KIAA1328: variants seen among roughly 807,000 people sequenced by gnomAD.
KIAA1328 encodes the protein KIAA1328.
A neutral mutation model predicts 68.1 loss-of-function variants in KIAA1328; 52 were observed. That is an observed-to-expected ratio of 0.76 (90% CI 0.61 to 0.96). KIAA1328 has a LOEUF of 0.96. Among genes scored for constraint, KIAA1328 ranks in the 40% least tolerant of loss-of-function variants. KIAA1328 has a pLI of 0.00. For synonymous variants in KIAA1328, 232 were observed against 239.4 expected (o/e 0.97, Z 0.28); for missense variants, 641 against 677.6 (o/e 0.95, Z 0.60).
chr18:36,943,096 T>C (rs1764810449), intron 5 of KIAA1328, among the ~76,000 whole-genome samples: 1 of 152,192 alleles, frequency 6.6e-6, no homozygotes, highest in South Asian at 2.1e-4. Context: ...GAGCTAACAA[T>C]GTACCTGGGC....
At chr18:37,218,938 T>A (rs2060501305) in intron 9 of KIAA1328, among the ~76,000 whole-genome samples, 1 of 152,254 alleles carries the variant, frequency 6.6e-6, no homozygotes, top group African/African-American at 2.4e-5. Flanking sequence ...TTTCTCCCCA[T>A]CTTTGTGGTT....
intron 6 of KIAA1328, among the ~76,000 whole-genome samples, chr18:36,975,275 C>T (rs1261777287): frequency 5.3e-5 from 8 of 150,702 alleles, no homozygotes; most frequent in East Asian, 3.9e-4. Context: ...CTCTGCCTCC[C>T]GGGTTCACGC....
intron 7 of KIAA1328, among the ~76,000 whole-genome samples, chr18:37,096,206 T>A (rs1018067512): frequency 2.0e-5 from 3 of 152,158 alleles, no homozygotes; most frequent in Non-Finnish European, 1.5e-5. Flanking sequence ...TAGGTATATC[T>A]CCTAATGCTA....
At chr18:36,953,659 T>C (rs920227068) in intron 5 of KIAA1328, among the ~76,000 whole-genome samples, 1 of 152,142 alleles carries the variant, frequency 6.6e-6, no homozygotes, top group Non-Finnish European at 1.5e-5. Flanking sequence ...CAAGTGTCAC[T>C]CCTAGCTACC....
Position 37,166,201 on chromosome 18 carries a change from G to A in KIAA1328, c.1414+5820G>A, listed in dbSNP as rs547228195. Among the ~76,000 whole-genome samples the A allele has an allele frequency of 2.0e-5, 3 of 152,188 alleles. No individual in the cohort carries two copies. The South Asian group carries it at 6.2e-4, about 32-fold the overall frequency. On this transcript the variant is annotated intron_variant, in intron 8 of 9. Coordinates refer to ENST00000280020, the MANE Select transcript of KIAA1328 (RefSeq NM_020776.3). Reference sequence around the variant, plus strand: ...AAAAATCTTGCAAAAACTGTCAGAAGCTACCTTATCAGAACTCTGGAGGAT... The same window carrying A: ...AAAAATCTTGCAAAAACTGTCAGAAACTACCTTATCAGAACTCTGGAGGAT...
At chr18:36,994,789 T>G (rs1236985387) in intron 6 of KIAA1328, among the ~76,000 whole-genome samples, 1 of 152,164 alleles carries the variant, frequency 6.6e-6, no homozygotes, top group African/African-American at 2.4e-5. Context: ...TAAATAGACT[T>G]CTAATCATCT....
intron 6 of KIAA1328, among the ~76,000 whole-genome samples, chr18:37,006,379 G>A (rs2053783445): frequency 6.6e-6 from 1 of 151,894 alleles, no homozygotes; most frequent in South Asian, 2.1e-4. Flanking sequence ...ATAAAACATA[G>A]CTAAGTAGTA....
At chr18:36,922,208 G>A (rs75313810) in intron 5 of KIAA1328, among the ~76,000 whole-genome samples, 29,330 of 152,058 alleles carry the variant, frequency 0.19, 3,588 homozygotes, top group Non-Finnish European at 0.28. Context: ...TATTAATGCC[G>A]TTGTCTTTGT....
At chr18:36,931,922 A>G (rs182837199) in intron 5 of KIAA1328, among the ~76,000 whole-genome samples, 218 of 152,204 alleles carry the variant, frequency 1.4e-3, no homozygotes, top group Non-Finnish European at 2.5e-3. Context: ...TGCGCATAGA[A>G]TTCTACCTTG....
chr18:37,213,136 A>T (rs1201078771), intron 9 of KIAA1328, among the ~76,000 whole-genome samples: 1 of 152,202 alleles, frequency 6.6e-6, no homozygotes, highest in African/African-American at 2.4e-5. Flanking sequence ...ATGAGATTAC[A>T]AAAATTTTTT....
intron 7 of KIAA1328, among the ~76,000 whole-genome samples, chr18:37,144,467 A>G (rs2058849099): frequency 6.6e-6 from 1 of 152,000 alleles, no homozygotes; most frequent in Non-Finnish European, 1.5e-5. Context: ...TTCATAAGAT[A>G]GAATATTACA....
chr18:37,001,737 C>T (rs2053592290), intron 6 of KIAA1328, among the ~76,000 whole-genome samples: 1 of 151,974 alleles, frequency 6.6e-6, no homozygotes, highest in Non-Finnish European at 1.5e-5. Context: ...CACATCAGTA[C>T]AATGAAGGAC....
chr18:37,023,730 G>GT (rs1253919402), intron 6 of KIAA1328, among the ~76,000 whole-genome samples: 1 of 152,174 alleles, frequency 6.6e-6, no homozygotes, highest in Admixed American at 6.5e-5. Context: ...AGAAGCAACT[G>GT]ATTACTTCAT....
intron 6 of KIAA1328, among the ~76,000 whole-genome samples, chr18:36,985,587 C>T (rs2052885666): frequency 6.6e-6 from 1 of 152,092 alleles, no homozygotes; most frequent in Admixed American, 6.6e-5. Context: ...ATGCAAATGA[C>T]ATTCAACGGA....
intron 7 of KIAA1328, among the ~76,000 whole-genome samples, chr18:37,106,780 T>G (rs965113277): frequency 1.3e-5 from 2 of 152,202 alleles, no homozygotes; most frequent in African/African-American, 4.8e-5. Context: ...TTTTAAAAAT[T>G]GTTCCCTGTG....
chr18:37,184,502 T>C (rs1409303221), intron 9 of KIAA1328, among the ~76,000 whole-genome samples: 1 of 152,240 alleles, frequency 6.6e-6, no homozygotes, highest in Non-Finnish European at 1.5e-5. Context: ...TGCTTTGGTC[T>C]GCAGCTAGTT....
intron 7 of KIAA1328, among the ~76,000 whole-genome samples, chr18:37,096,657 C>A (rs575258827): frequency 1.2e-3 from 187 of 152,216 alleles, no homozygotes; most frequent in Non-Finnish European, 1.8e-3. Context: ...TGCCTGACTT[C>A]CACAATGGCT....
intron 6 of KIAA1328, among the ~76,000 whole-genome samples, chr18:36,993,983 A>G (rs967365513): frequency 1.3e-5 from 2 of 150,914 alleles, no homozygotes; most frequent in African/African-American, 4.8e-5. Context: ...AAAAAAAAAA[A>G]GAAAAGCTAA....
At chr18:36,933,286 C>T (rs2050378898) in intron 5 of KIAA1328, among the ~76,000 whole-genome samples, 3 of 152,142 alleles carry the variant, frequency 2.0e-5, no homozygotes, top group South Asian at 4.1e-4. Context: ...TGCAGCCCTG[C>T]TCTGTGGTGG....
Sources: gnomAD v4.1 joint callset for allele counts (sites outside exome capture counted in the v4.1 genomes callset) on GRCh38, gnomAD v4.1.1 for gene constraint, MANE v1.5 for transcripts, NCBI Gene and HGNC (gene_info 2026-07-23, HGNC 2026-07-21) for gene names.